UNC79: variants seen among roughly 807,000 people sequenced by gnomAD.
UNC79 encodes the protein unc-79 subunit of NALCN channel complex.
In UNC79, 37 loss-of-function variants were observed where a neutral mutation model predicts 283.1. The ratio of observed to expected loss-of-function variants is 0.13; its 90% CI spans 0.10 to 0.17. The LOEUF is 0.17. Ranked by LOEUF, UNC79 falls within the 10% of genes least tolerant of loss-of-function variation. The pLI is 1.00. For synonymous variants in UNC79, 1,107 were observed against 1,200.2 expected (o/e 0.92, Z 1.61); for missense variants, 2,272 against 3,211.1 (o/e 0.71, Z 7.07).
intron 41 of UNC79, among the ~76,000 whole-genome samples, chr14:93,678,013 G>A (rs1180674168): frequency 3.9e-5 from 6 of 152,106 alleles, no homozygotes; most frequent in African/African-American, 1.4e-4. Flanking sequence ...GGTCCTCCAG[G>A]TGTTCTCTGT....
intron 37 of UNC79, among the ~76,000 whole-genome samples, chr14:93,654,563 T>G (rs184562155): frequency 2.5e-4 from 38 of 151,866 alleles, no homozygotes; most frequent in Non-Finnish European, 3.4e-4. Flanking sequence ...ATGCTAAAAT[T>G]TAAATAATTT....
intron 1 of UNC79, among the ~76,000 whole-genome samples, chr14:93,351,043 T>C (rs2053972255): frequency 6.6e-6 from 1 of 151,748 alleles, no homozygotes; most frequent in African/African-American, 2.4e-5. Context: ...ACTCTGTGTC[T>C]GATTAAATTC....
At chr14:93,346,579 A>G (rs1419640116) in intron 1 of UNC79, among the ~76,000 whole-genome samples, 8 of 152,262 alleles carry the variant, frequency 5.3e-5, no homozygotes, top group East Asian at 1.9e-4. Context: ...AATATTTTTT[A>G]TATCATCAGC....
intron 24 of UNC79, 101 bp from the exon 25 acceptor site, chr14:93,600,468 C>T (rs1369395408): frequency 1.3e-6 from 1 of 762,642 alleles, no homozygotes; most frequent in African/African-American, 1.7e-5. Context: ...GAGTAGGCTG[C>T]CTTGTTTCAT....
At chr14:93,556,577 C>G (rs943974558) in intron 14 of UNC79, among the ~76,000 whole-genome samples, 7 of 151,870 alleles carry the variant, frequency 4.6e-5, no homozygotes, top group African/African-American at 1.7e-4. Context: ...CTGTTTCTCT[C>G]AAGGAGTTCC....
intron 29 of UNC79, among the ~76,000 whole-genome samples, chr14:93,618,831 A>AT: frequency 6.6e-6 from 1 of 152,158 alleles, no homozygotes; most frequent in Non-Finnish European, 1.5e-5. Flanking sequence ...GAAATGAAAC[A>AT]TTTTTGCTGC....
intron 1 of UNC79, among the ~76,000 whole-genome samples, chr14:93,411,999 T>C (rs1373377937): frequency 3.9e-5 from 6 of 152,226 alleles, no homozygotes; most frequent in Non-Finnish European, 8.8e-5. Flanking sequence ...TTCAGACAGA[T>C]AATTCAAAAT....
At chr14:93,661,337 C>T (rs1457560344) in intron 39 of UNC79, among the ~76,000 whole-genome samples, 1 of 152,118 alleles carries the variant, frequency 6.6e-6, no homozygotes, top group Non-Finnish European at 1.5e-5. Context: ...CACTACATAT[C>T]AAAATATAAT....
At chr14:93,673,802 G>C (rs1187149003) in intron 41 of UNC79, among the ~76,000 whole-genome samples, 1 of 152,126 alleles carries the variant, frequency 6.6e-6, no homozygotes, top group African/African-American at 2.4e-5. Flanking sequence ...GGCCAGAAGT[G>C]GGGGAACAGG....
chr14:93,530,653 T>TA (rs1387011432), intron 10 of UNC79, among the ~76,000 whole-genome samples: 2 of 151,614 alleles, frequency 1.3e-5, no homozygotes, highest in Non-Finnish European at 2.9e-5. Context: ...CTCACGCCTG[T>TA]AATCCCAGCA....
At chr14:93,352,405 G>A (rs565680078) in intron 1 of UNC79, among the ~76,000 whole-genome samples, 5 of 152,140 alleles carry the variant, frequency 3.3e-5, no homozygotes, top group Admixed American at 6.5e-5. Flanking sequence ...TTGAACTATA[G>A]GAATCTTTTC....
At chr14:93,700,510 C>T (rs188808929) in intron 47 of UNC79, among the ~76,000 whole-genome samples, 2 of 152,090 alleles carry the variant, frequency 1.3e-5, no homozygotes, top group Non-Finnish European at 2.9e-5. Flanking sequence ...TTTTTCTCCT[C>T]ATTCGTGTGT....
intron 1 of UNC79, among the ~76,000 whole-genome samples, chr14:93,466,126 C>T (rs2057167490): frequency 6.6e-6 from 1 of 152,158 alleles, no homozygotes; most frequent in African/African-American, 2.4e-5. Flanking sequence ...TGTTTATAAA[C>T]TTATTGCTTT....
At chr14:93,379,717 G>A (rs1446514031) in intron 1 of UNC79, among the ~76,000 whole-genome samples, 1 of 142,044 alleles carries the variant, frequency 7.0e-6, no homozygotes, top group Non-Finnish European at 1.5e-5. Context: ...GGGAGGGTGG[G>A]AGGGGGGTGA....
At chr14:93,335,012 C>T (rs2053546431) in intron 1 of UNC79, 1 of 152,150 alleles carries the variant, frequency 6.6e-6, no homozygotes, top group Non-Finnish European at 1.5e-5. Flanking sequence ...TATTTCCTAG[C>T]CACAATTTAA....
At chr14:93,532,204 C>A (rs904465852) in intron 10 of UNC79, among the ~76,000 whole-genome samples, 3 of 151,394 alleles carry the variant, frequency 2.0e-5, no homozygotes, top group African/African-American at 7.3e-5. Flanking sequence ...TGGCTTACAC[C>A]TGTAATCCTA....
intron 7 of UNC79, among the ~76,000 whole-genome samples, chr14:93,501,435 A>T (rs1455824022): frequency 6.6e-6 from 1 of 152,118 alleles, no homozygotes; most frequent in Non-Finnish European, 1.5e-5. Flanking sequence ...CACGCCTGTA[A>T]TCCCAGCACT....
upstream of UNC79, among the ~76,000 whole-genome samples, chr14:93,426,097 C>T (rs1170393488): frequency 6.6e-6 from 1 of 151,916 alleles, no homozygotes; most frequent in Non-Finnish European, 1.5e-5. Context: ...CCAAATATGC[C>T]ACTGCATTAA....
At chr14:93,707,865 C>T (rs1316180159), downstream of UNC79, 3 of 152,146 alleles carry the variant, frequency 2.0e-5, no homozygotes, top group Non-Finnish European at 2.9e-5. Flanking sequence ...CTATTAAATG[C>T]GTTTTTTATT....
Sources: allele counts gnomAD v4.1 joint callset (sites outside exome capture counted in the v4.1 genomes callset), GRCh38; gene constraint gnomAD v4.1.1; transcripts MANE v1.5; gene names NCBI Gene and HGNC (gene_info 2026-07-23, HGNC 2026-07-21).